The following CARS2 variants were observed in gnomAD, a reference collection of about 807,000 sequenced individuals.
The protein encoded by CARS2 is cysteinyl-tRNA synthetase 2, mitochondrial.
A neutral mutation model predicts 68.8 loss-of-function variants in CARS2; 52 were observed. The observed-to-expected ratio is 0.76, with a 90% CI of 0.61 to 0.95. CARS2 has a LOEUF of 0.95. Ranked by LOEUF, CARS2 falls within the 40% of genes least tolerant of loss-of-function variation. CARS2 has a pLI of 0.00. For missense variants in CARS2, 780 were observed against 754.2 expected (o/e 1.03, Z -0.40); for synonymous variants, 314 against 303.6 (o/e 1.03, Z -0.36).
chr13:110,690,501 C>T (rs901870298), intron 3 of CARS2, among the ~76,000 whole-genome samples: 1 of 152,194 alleles, frequency 6.6e-6, no homozygotes, highest in East Asian at 1.9e-4. Flanking sequence ...ACACAGAATC[C>T]TGGGGGTCCA....
At chr13:110,666,243 CG>C (rs2062643760) in intron 8 of CARS2, 2 of 985,256 alleles carry the variant, frequency 2.0e-6, no homozygotes, top group Non-Finnish European at 2.4e-6. Flanking sequence ...CCAGCTGAAA[CG>C]GAAGTGAGGG....
At chr13:110,694,696 C>G (rs935593036) in intron 3 of CARS2, among the ~76,000 whole-genome samples, 1 of 152,060 alleles carries the variant, frequency 6.6e-6, no homozygotes, top group Non-Finnish European at 1.5e-5. Context: ...TTAATTCTTA[C>G]CCCAGATTTG....
intron 5 of CARS2, among the ~76,000 whole-genome samples, chr13:110,686,742 G>C (rs1324621172): frequency 6.6e-6 from 1 of 151,708 alleles, no homozygotes; most frequent in Non-Finnish European, 1.5e-5. Context: ...CATCTTAGTA[G>C]AAAGAAGGTT....
chr13:110,710,575 TGAAA>T (rs1204814287), upstream of CARS2, among the ~76,000 whole-genome samples: 1 of 152,204 alleles, frequency 6.6e-6, no homozygotes, highest in Non-Finnish European at 1.5e-5. Flanking sequence ...GAAACAAAAC[TGAAA>T]GAGACAAGAT....
intron 6 of CARS2, among the ~76,000 whole-genome samples, chr13:110,679,037 C>CACAGGGGAAAAGGGAACT (rs2139819050): frequency 6.9e-5 from 1 of 14,512 alleles, no homozygotes; most frequent in Admixed American, 3.9e-4. Context: ...TTGTCCTTAC[C>CACAGGGGAAAAGGGAACT]ACACATGTGA....
intron 9 of CARS2, among the ~76,000 whole-genome samples, chr13:110,657,382 G>A (rs1435694632): frequency 6.6e-6 from 1 of 152,200 alleles, no homozygotes; most frequent in Non-Finnish European, 1.5e-5. Context: ...CAAAGGCAGG[G>A]TGGCTGCTTG....
intron 5 of CARS2, among the ~76,000 whole-genome samples, chr13:110,686,327 G>A (rs894502919): frequency 6.7e-6 from 1 of 150,108 alleles, no homozygotes; most frequent in Non-Finnish European, 1.5e-5. Context: ...CTGCAGCCTC[G>A]AATTTCCTGG....
At chr13:110,693,448 C>G (rs1198783727) in intron 3 of CARS2, among the ~76,000 whole-genome samples, 1 of 152,076 alleles carries the variant, frequency 6.6e-6, no homozygotes. Flanking sequence ...TAAGCTCTGC[C>G]ACCCAGGTTC....
chr13:110,642,803 G>C (rs562110121), intron 13 of CARS2: 5 of 682,856 alleles, frequency 7.3e-6, no homozygotes, highest in Non-Finnish European at 1.3e-5. Context: ...ATGCCGCCCC[G>C]CCCTGAACAC....
intron 6 of CARS2, among the ~76,000 whole-genome samples, chr13:110,682,675 C>T (rs2063189871): frequency 6.6e-6 from 1 of 152,134 alleles, no homozygotes; most frequent in South Asian, 2.1e-4. Context: ...AAGTTTAACA[C>T]ATAGTAAGAC....
intron 3 of CARS2, among the ~76,000 whole-genome samples, chr13:110,695,942 G>A (rs1408515864): frequency 5.3e-5 from 8 of 151,886 alleles, no homozygotes; most frequent in Non-Finnish European, 1.2e-4. Flanking sequence ...CCCAACCCCT[G>A]ACAGGCGCCG....
chr13:110,648,453 C>T (rs1463676955), intron 10 of CARS2: 1 of 152,270 alleles, frequency 6.6e-6, no homozygotes, highest in East Asian at 1.9e-4. Context: ...ATGGGAGACA[C>T]TTCTCCAAAG....
intron 6 of CARS2, among the ~76,000 whole-genome samples, chr13:110,682,813 G>A (rs1333681516): frequency 6.6e-6 from 1 of 152,188 alleles, no homozygotes; most frequent in African/African-American, 2.4e-5. Flanking sequence ...TGTCTCCAGG[G>A]AATGGAGCCA....
chr13:110,665,422 G>A lies in CARS2; in HGVS notation c.920-1904C>T. 1 of 983,720 alleles carries A rather than the reference G, an allele frequency of 1.0e-6. No individual in the cohort carries two copies. Among genetic ancestry groups the A allele is most frequent in the Non-Finnish European group, 1.2e-6 (1 of 828,372 alleles). The allele number at this position is 983,720 out of a possible 1,614,324, so 60.9% of individuals were successfully genotyped here. A position where few individuals can be genotyped will look rare whatever the true frequency, so the allele number is the denominator to read the frequency against. ...GATAGTGCCACTGCACTCCCAGGCT[G>A]GGGGACGGAGCGAAATTGTTTCAAC... On this transcript the variant is annotated intron_variant, in intron 8 of 14. Transcript: ENST00000257347. This position sits in a 1 kb window ranked among gnomAD's most constrained non-coding sequence, Gnocchi z 4.3.
Position 110,653,982 on chromosome 13 carries a change from C to T in CARS2, c.988-2882G>A, listed in dbSNP as rs1457181374. Among the ~76,000 whole-genome samples, 2 of 152,206 alleles carry T rather than the reference C, an allele frequency of 1.3e-5. No individual in the cohort carries two copies. The highest frequency in any genetic ancestry group is 2.9e-5 in the Non-Finnish European group (2 of 68,044). ...AAATGTGGCGACGGCAGTGTAAGCT[C>T]GTGCTGGAACTCTCCAGGAGGTAAG... is the stretch of plus-strand genomic sequence containing the variant. On this transcript the variant is annotated intron_variant, in intron 9 of 14. Coordinates refer to ENST00000257347, the MANE Select transcript of CARS2 (RefSeq NM_024537.4). This position sits in a 1 kb window ranked among gnomAD's most constrained non-coding sequence, Gnocchi z 5.6.
intron 9 of CARS2, among the ~76,000 whole-genome samples, chr13:110,662,647 C>G (rs1853860): frequency 6.6e-6 from 1 of 152,182 alleles, no homozygotes; most frequent in Non-Finnish European, 1.5e-5. Flanking sequence ...ATCACAACTA[C>G]TGAATCTGGG....
intron 11 of CARS2, chr13:110,646,831 C>T (rs1888190463): frequency 4.9e-6 from 2 of 410,476 alleles, no homozygotes; most frequent in Non-Finnish European, 8.8e-6. Context: ...TGTCCAGCAC[C>T]CAGTGTCCTG....
chr13:110,697,345 G>A (rs978428507), intron 3 of CARS2, among the ~76,000 whole-genome samples: 35 of 152,340 alleles, frequency 2.3e-4, no homozygotes, highest in African/African-American at 8.4e-4. Flanking sequence ...AGTGGGAGCC[G>A]ATTTCCAGCA....
Position 110,705,539 on chromosome 13 carries a change from G to C in CARS2, c.257C>G (p.Ala86Gly). Reference sequence around the variant, plus strand: ...AACTCACCAAGCATGGCCAAGGTGCGCATGATCATATACAGTTGGTCCACA... The same window carrying C: ...AACTCACCAAGCATGGCCAAGGTGCCCATGATCATATACAGTTGGTCCACA... ...YSCGPTVYDH[A>G]HLGHACSYVR... The change falls in exon 2 of 15, where the codon GCG becomes GGG. Residue 86 changes from alanine (A) to glycine (G), a missense_variant. Physicochemically the swap from Ala to Gly is moderately conservative, Grantham distance 60 (BLOSUM62 0). Transcript: ENST00000257347. The surrounding 1 kb of genome is among the most constrained non-coding windows in gnomAD (Gnocchi z 4.0). The C allele has an allele frequency of 6.2e-7, 1 of 1,608,444 alleles. No homozygotes were observed. Among genetic ancestry groups the C allele is most frequent in the Non-Finnish European group, 8.5e-7 (1 of 1,176,876 alleles).
Sources: gnomAD v4.1 joint callset for allele counts (sites outside exome capture counted in the v4.1 genomes callset) on GRCh38, gnomAD v4.1.1 for gene constraint, Gnocchi (gnomAD v3.1) non-coding constraint, MANE v1.5 for transcripts, NCBI Gene and HGNC (gene_info 2026-07-23, HGNC 2026-07-21) for gene names.